The following SPOPL variants were observed in gnomAD, a reference collection of about 807,000 sequenced individuals.
The protein encoded by SPOPL is speckle type BTB/POZ protein like.
SPOPL carries 23 observed loss-of-function variants against 53.8 expected under a neutral mutation model. That is an observed-to-expected ratio of 0.43 (90% CI 0.31 to 0.61). SPOPL has a LOEUF of 0.61. Ranked by LOEUF, SPOPL falls within the 20% of genes least tolerant of loss-of-function variation. The pLI is 0.12. For synonymous variants in SPOPL, 164 were observed against 149.7 expected (o/e 1.10, Z -0.70); for missense variants, 442 against 466.9 (o/e 0.95, Z 0.49).
chr2:138,525,157 T>C (rs1184056157), intron 1 of SPOPL, among the ~76,000 whole-genome samples: 1 of 152,174 alleles, frequency 6.6e-6, no homozygotes, highest in Non-Finnish European at 1.5e-5. Flanking sequence ...TGGGGAAGCC[T>C]CACAATCATG....
In SPOPL at chr2:138,516,471, G is replaced by A. The variant is rs568253693; in HGVS notation, c.-61+14352G>A. Reference sequence around the variant, plus strand: ...TTGGTCAAGCTATTCTAGCTAATAAGTTTGTTTGGAAAAGATTGCTATAAT... The same window carrying A: ...TTGGTCAAGCTATTCTAGCTAATAAATTTGTTTGGAAAAGATTGCTATAAT... On this transcript the variant is annotated intron_variant, in intron 1 of 10. Coordinates refer to ENST00000280098, the MANE Select transcript of SPOPL (RefSeq NM_001001664.3). 2.6e-5 allele frequency among the ~76,000 whole-genome samples: 4 copies of A among 152,288 alleles called. No individual in the cohort carries two copies. The South Asian group carries it at 8.3e-4, about 32-fold the overall frequency.
intron 1 of SPOPL, among the ~76,000 whole-genome samples, chr2:138,534,975 G>T (rs1299084365): frequency 6.6e-6 from 1 of 152,138 alleles, no homozygotes; most frequent in Non-Finnish European, 1.5e-5. Flanking sequence ...GTGTGACCAG[G>T]CTTAATGGCT....
intron 1 of SPOPL, among the ~76,000 whole-genome samples, chr2:138,528,208 G>T (rs929978042): frequency 1.1e-4 from 16 of 152,228 alleles, no homozygotes; most frequent in African/African-American, 3.9e-4. Flanking sequence ...CTTGGGGAAG[G>T]GTAGAGCCCC....
intron 1 of SPOPL, among the ~76,000 whole-genome samples, chr2:138,536,938 G>A (rs961571773): frequency 6.6e-6 from 1 of 152,168 alleles, no homozygotes; most frequent in African/African-American, 2.4e-5. Flanking sequence ...GTGCTGGAGG[G>A]AGGCAGTAGC....
At position 138,559,031 on chromosome 2, in the gene SPOPL, G is replaced by T; in HGVS notation, c.490G>T (p.Val164Phe). 6.3e-7 allele frequency: 1 copy of T among 1,598,276 alleles called. No homozygotes were observed. The highest frequency in any genetic ancestry group is 8.5e-7 in the Non-Finnish European group (1 of 1,174,986). The change falls in exon 6 of 11, where the codon GTC becomes TTC. Residue 164 changes from valine (V) to phenylalanine (F), a missense_variant. Physicochemically the swap from Val to Phe is conservative, Grantham distance 50. Coordinates refer to ENST00000280098, the MANE Select transcript of SPOPL (RefSeq NM_001001664.3). The part of the protein sequence containing the change: ...KLTLFCEVSV[V>F]QDSVNISGHT... Reference sequence around the variant, plus strand: ...GTCCCTTTTTTATTAGGTGAGTGTGGTCCAAGATTCAGTAAACATATCAGG... The same window carrying T: ...GTCCCTTTTTTATTAGGTGAGTGTGTTCCAAGATTCAGTAAACATATCAGG...
chr2:138,560,160 A>G lies in SPOPL; in HGVS notation c.715-645A>G, dbSNP rs1009589537. 1.2e-4 allele frequency among the ~76,000 whole-genome samples: 19 copies of G among 152,158 alleles called. 1 individual carries two copies. Among genetic ancestry groups the G allele is most frequent in the Non-Finnish European group, 1.9e-4 (13 of 68,036 alleles). ...CACGCAGTAAAAAAGCACTCTTTGG[A>G]CTTGACTATTTTTCAGGTAAGCAAG... On this transcript the variant is annotated intron_variant, in intron 7 of 10. Transcript: ENST00000280098.
chr2:138,539,815 G>A (rs1007139701), intron 1 of SPOPL, among the ~76,000 whole-genome samples: 1 of 152,198 alleles, frequency 6.6e-6, no homozygotes, highest in African/African-American at 2.4e-5. Flanking sequence ...TAGACATAAA[G>A]TCCTTGCCCA....
At chr2:138,526,171 A>G (rs192761663) in intron 1 of SPOPL, among the ~76,000 whole-genome samples, 47 of 152,340 alleles carry the variant, frequency 3.1e-4, no homozygotes, top group Non-Finnish European at 6.2e-4. Context: ...ATCTAGAAAT[A>G]GATGATTATA....
At chr2:138,516,204 T>C (rs1573870228) in intron 1 of SPOPL, among the ~76,000 whole-genome samples, 1 of 152,124 alleles carries the variant, frequency 6.6e-6, no homozygotes, top group African/African-American at 2.4e-5. Context: ...TACAGGATGG[T>C]TGCGGTAAAA....
At chr2:138,548,177 T>C (rs1685238740) in intron 1 of SPOPL, among the ~76,000 whole-genome samples, 1 of 151,830 alleles carries the variant, frequency 6.6e-6, no homozygotes, top group Admixed American at 6.6e-5. Flanking sequence ...TCTTGGACAG[T>C]GCAATAGGTA....
intron 1 of SPOPL, among the ~76,000 whole-genome samples, chr2:138,504,715 T>C (rs1684176700): frequency 6.6e-6 from 1 of 152,176 alleles, no homozygotes; most frequent in African/African-American, 2.4e-5. Flanking sequence ...GCACCTAGAA[T>C]AGTACTAGCT....
chr2:138,517,209 T>C (rs973115733), intron 1 of SPOPL, among the ~76,000 whole-genome samples: 1 of 152,164 alleles, frequency 6.6e-6, no homozygotes, highest in Non-Finnish European at 1.5e-5. Flanking sequence ...AGGTTCTTGA[T>C]GGATTATAGA....
intron 1 of SPOPL, among the ~76,000 whole-genome samples, chr2:138,520,445 G>C (rs1005297297): frequency 3.3e-5 from 5 of 152,142 alleles, no homozygotes; most frequent in African/African-American, 1.2e-4. Context: ...ATACATTTGG[G>C]TCACAACATT....
At chr2:138,516,158 A>G (rs1208390498) in intron 1 of SPOPL, among the ~76,000 whole-genome samples, 1 of 152,236 alleles carries the variant, frequency 6.6e-6, no homozygotes, top group Non-Finnish European at 1.5e-5. Context: ...AAAGAAGCAG[A>G]TAGTGGGTGG....
chr2:138,548,982 A>G (rs1441237329), intron 1 of SPOPL, among the ~76,000 whole-genome samples: 1 of 152,170 alleles, frequency 6.6e-6, no homozygotes, highest in Non-Finnish European at 1.5e-5. Context: ...GTCTTGGAGA[A>G]TGTTCCACAT....
chr2:138,520,278 T>G (rs1290218547), intron 1 of SPOPL, among the ~76,000 whole-genome samples: 1 of 152,200 alleles, frequency 6.6e-6, no homozygotes, highest in Non-Finnish European at 1.5e-5. Flanking sequence ...TTGCAAAACT[T>G]TGTAGGCCAG....
At position 138,559,285 on chromosome 2, in the gene SPOPL, G is replaced by A. The variant is rs988657502; in HGVS notation, c.662G>A (p.Arg221Gln). ...FKAHKSVLAA[R>Q]SPVFNAMFEH... is the part of the protein sequence containing the mutation. ...ATGATACATAATCTTGTTACAGCTC[G>A]ATCTCCAGTTTTTAACGCCATGTTT... Residue 221 changes from arginine to glutamine, a missense_variant, in exon 7 of 11, where the codon CGA (arginine) becomes CAA (glutamine). Arg to Gln is a conservative substitution (Grantham distance 43, BLOSUM62 1). Coordinates refer to ENST00000280098, the MANE Select transcript of SPOPL (RefSeq NM_001001664.3). The A allele has an allele frequency of 4.3e-6, 7 of 1,612,844 alleles. No homozygotes were observed. The highest frequency in any genetic ancestry group is 4.2e-6 in the Non-Finnish European group (5 of 1,179,554).
Position 138,571,397 on chromosome 2 carries a change from T to G in SPOPL, c.*2317T>G, listed in dbSNP as rs1167600303. On this transcript the variant is annotated 3_prime_UTR_variant, in exon 11 of 11. Coordinates refer to ENST00000280098, the MANE Select transcript of SPOPL (RefSeq NM_001001664.3). ...TCTTAAGGATTTTATTATAAAGATT[T>G]TTTTTTTAGTTTGGTAGCACATTTT... 6.6e-6 allele frequency: 1 copy of G among 152,534 alleles called. No homozygotes were observed. The highest frequency in any genetic ancestry group is 2.4e-5 in the African/African-American group (1 of 41,424). The allele number at this position is 152,534 out of a possible 1,614,324, so 9.4% of individuals were successfully genotyped here. A position where few individuals can be genotyped will look rare whatever the true frequency, so the allele number is the denominator to read the frequency against.
At chr2:138,566,071 C>G (rs995301798) in intron 10 of SPOPL, among the ~76,000 whole-genome samples, 16 of 152,094 alleles carry the variant, frequency 1.1e-4, no homozygotes, top group African/African-American at 3.4e-4. Flanking sequence ...AGTTTGTTGA[C>G]TTAATTATTT....
Sources: gnomAD v4.1 joint callset for allele counts (sites outside exome capture counted in the v4.1 genomes callset) on GRCh38, gnomAD v4.1.1 for gene constraint, MANE v1.5 for transcripts, NCBI Gene and HGNC (gene_info 2026-07-23, HGNC 2026-07-21) for gene names.